SMC2: variants seen among roughly 807,000 people sequenced by gnomAD.
The protein encoded by SMC2 is structural maintenance of chromosomes protein 2.
In SMC2, 41 loss-of-function variants were observed where a neutral mutation model predicts 142.6. The ratio of observed to expected loss-of-function variants is 0.29; its 90% CI spans 0.22 to 0.37. The LOEUF is 0.37. Among genes scored for constraint, SMC2 ranks in the 10% least tolerant of loss-of-function variants. The pLI is 1.00. For synonymous variants in SMC2, 463 were observed against 457.5 expected (o/e 1.01, Z -0.15); for missense variants, 1,265 against 1,373.7 (o/e 0.92, Z 1.25).
chr9:104,119,264 G>C (rs952955460), intron 15 of SMC2, among the ~76,000 whole-genome samples: 1 of 152,200 alleles, frequency 6.6e-6, no homozygotes, highest in Non-Finnish European at 1.5e-5. Context: ...TTTAGATTTT[G>C]TTGATTCAGA....
intron 17 of SMC2, 52 bp from the exon 18 acceptor site, chr9:104,124,860 G>A: frequency 7.1e-7 from 1 of 1,402,100 alleles, no homozygotes; most frequent in Admixed American, 2.5e-5. Context: ...AGTTGAATTT[G>A]TCAACCTTTA....
chr9:104,116,243 G>C lies in SMC2; in HGVS notation c.1715G>C (p.Arg572Pro). ...KLLERGELKR[R>P]YTIIPLNKIS... ...CTAGAAAGGGGGGAACTGAAACGTC[G>C]ATACACTATAATTCCACTCAATAAA... is the stretch of plus-strand genomic sequence containing the variant. Residue 572 changes from arginine (R) to proline (P), a missense_variant, in exon 14 of 25, where the codon CGA becomes CCA. This residue lies in a region of SMC2 where 898 missense variants were observed against 904.2 expected (regional missense o/e 0.99). Coordinates refer to ENST00000374793, the MANE Select transcript of SMC2 (RefSeq NM_006444.3). The C allele has an allele frequency of 6.2e-7, 1 of 1,607,548 alleles. No individual in the cohort carries two copies. Among genetic ancestry groups the C allele is most frequent in the Non-Finnish European group, 8.5e-7 (1 of 1,177,354 alleles).
intron 15 of SMC2, 25 bp downstream of exon 15, chr9:104,118,400 C>T: frequency 6.3e-7 from 1 of 1,577,356 alleles, no homozygotes; most frequent in Non-Finnish European, 8.7e-7. Flanking sequence ...CTTTTCTCCT[C>T]ACAATTCTTT....
At chr9:104,115,295 C>G (rs553032249) in intron 13 of SMC2, among the ~76,000 whole-genome samples, 3 of 151,304 alleles carry the variant, frequency 2.0e-5, no homozygotes, top group African/African-American at 7.3e-5. Flanking sequence ...TACAAGAAGC[C>G]TGGGTATGGT....
At chr9:104,099,588 CAGAT>C (rs1340732988) in intron 4 of SMC2, 52 bp from the exon 5 acceptor site, 26 of 1,113,646 alleles carry the variant, frequency 2.3e-5, no homozygotes, top group Non-Finnish European at 3.6e-5. Context: ...AATGGCAGTA[CAGAT>C]AAACATTTTC....
intron 20 of SMC2, 62 bp downstream of exon 20, chr9:104,127,542 AT>A: frequency 7.6e-7 from 1 of 1,307,760 alleles, no homozygotes; most frequent in African/African-American, 1.5e-5. Context: ...TCTTGAAAAA[AT>A]TTAGAAAACT....
chr9:104,104,707 C>A (rs1032532357), intron 9 of SMC2, among the ~76,000 whole-genome samples: 2 of 152,214 alleles, frequency 1.3e-5, no homozygotes, highest in African/African-American at 4.8e-5. Flanking sequence ...ATCCTCCAAT[C>A]TAGGTATCCC....
intron 23 of SMC2, among the ~76,000 whole-genome samples, chr9:104,135,012 G>A (rs946568450): frequency 1.3e-5 from 2 of 151,976 alleles, no homozygotes; most frequent in African/African-American, 2.4e-5. Flanking sequence ...CTGAAGTGAA[G>A]CCTAATGTAG....
intron 3 of SMC2, 35 bp downstream of exon 3, chr9:104,096,332 C>G: frequency 6.3e-7 from 1 of 1,599,560 alleles, no homozygotes; most frequent in Non-Finnish European, 8.5e-7. Flanking sequence ...TATCTTAAGA[C>G]CTTTTATGTC....
intron 9 of SMC2, among the ~76,000 whole-genome samples, chr9:104,103,324 A>G (rs1351737387): frequency 6.6e-6 from 1 of 152,184 alleles, no homozygotes; most frequent in Non-Finnish European, 1.5e-5. Flanking sequence ...AAGGCAGAAA[A>G]AAGAAAAGTG....
rs1831887684 is a variant in SMC2, at chr9:104,107,095, TC to T, written c.1021-4483del. 2.6e-5 allele frequency among the ~76,000 whole-genome samples: 4 copies of T among 152,200 alleles called. No homozygotes were observed. The South Asian group carries it at 8.3e-4, about 32-fold the overall frequency. Reference sequence around the variant, plus strand: ...CCATTTTTTTCATGAAGCCTGCTGGTCCCTTGGGGTTCCAACTGGGCTTGAT... The same window carrying T: ...CCATTTTTTTCATGAAGCCTGCTGGTCCTTGGGGTTCCAACTGGGCTTGAT... On this transcript the variant is annotated intron_variant, in intron 9 of 24. Transcript: ENST00000374793.
intron 13 of SMC2, among the ~76,000 whole-genome samples, chr9:104,115,664 T>C (rs757389690): frequency 2.0e-5 from 3 of 152,188 alleles, no homozygotes; most frequent in Non-Finnish European, 4.4e-5. Context: ...GTCAGACATA[T>C]TAACATAGCC....
In SMC2 at chr9:104,120,169, A is replaced by C; in HGVS notation, c.2132+7A>C. The C allele has an allele frequency of 6.4e-7, 1 of 1,572,412 alleles. No homozygotes were observed. The highest frequency in any genetic ancestry group is 8.6e-7 in the Non-Finnish European group (1 of 1,166,832). ...TTAAAAACACTGCTGAAAAGTAAGAACTGCATATACTTTTTTTAATTAAAG... is the reference window on the plus strand; with the variant it reads ...TTAAAAACACTGCTGAAAAGTAAGACCTGCATATACTTTTTTTAATTAAAG... On this transcript the variant is annotated splice_region_variant and intron_variant, in intron 16 of 24. Coordinates refer to ENST00000374793, the MANE Select transcript of SMC2 (RefSeq NM_006444.3).
Position 104,100,987 on chromosome 9 carries a change from G to A in SMC2, c.636+554G>A, listed in dbSNP as rs967645963. ...ACTAGTCTCACTGTCGCCCAGGCTG[G>A]AGTGCAGTGGTGTCATCACAGCTCA... On this transcript the variant is annotated intron_variant, in intron 7 of 24. Transcript: ENST00000374793. 6.6e-5 allele frequency among the ~76,000 whole-genome samples: 10 copies of A among 152,246 alleles called. No homozygotes were observed. In the South Asian group the frequency reaches 2.1e-3, roughly 32 times the overall value.
chr9:104,121,457 C>T (rs1032374184), intron 16 of SMC2, among the ~76,000 whole-genome samples: 2 of 152,042 alleles, frequency 1.3e-5, no homozygotes, highest in African/African-American at 4.8e-5. Flanking sequence ...GATTGTGCCA[C>T]TGCACTCTCT....
chr9:104,121,300 TTG>T (rs1358700117), intron 16 of SMC2, among the ~76,000 whole-genome samples: 3 of 151,952 alleles, frequency 2.0e-5, no homozygotes, highest in African/African-American at 7.3e-5. Flanking sequence ...CAAGACCAGC[TTG>T]GGCAACATGG....
At chr9:104,100,549 TAAGGAA>T in intron 7 of SMC2, 116 bp downstream of exon 7, 19 of 673,336 alleles carry the variant, frequency 2.8e-5, no homozygotes, top group Admixed American at 8.9e-5. Context: ...TGCGATGAGA[TAAGGAA>T]TTAGAGTTGG....
At chr9:104,109,527 G>A (rs1279654789) in intron 9 of SMC2, among the ~76,000 whole-genome samples, 1 of 152,176 alleles carries the variant, frequency 6.6e-6, no homozygotes, top group Non-Finnish European at 1.5e-5. Context: ...GTTCTTTACA[G>A]AAGCTAAAAT....
At chr9:104,137,071 C>T (rs964206883) in intron 23 of SMC2, among the ~76,000 whole-genome samples, 6 of 152,008 alleles carry the variant, frequency 3.9e-5, no homozygotes, top group Non-Finnish European at 7.4e-5. Context: ...TTGCTTGAAC[C>T]TGGGAGGTAG....
Sources: gnomAD v4.1 joint callset for allele counts (sites outside exome capture counted in the v4.1 genomes callset) on GRCh38, gnomAD v4.1.1 for gene constraint, gnomAD v4.1.1 regional missense constraint, MANE v1.5 for transcripts, NCBI Gene and HGNC (gene_info 2026-07-23, HGNC 2026-07-21) for gene names.